Variants in PABPC4L observed in about 807,000 individuals in gnomAD.
PABPC4L encodes polyadenylate-binding protein 4-like.
For missense variants in PABPC4L, 452 were observed against 451.4 expected (o/e 1.00, Z -0.01); for synonymous variants, 169 against 164.1 (o/e 1.03, Z -0.23).
the PABPC4L span, among the ~76,000 whole-genome samples, chr4:134,114,523 A>G: frequency 6.6e-6 from 1 of 151,828 alleles, no homozygotes; most frequent in East Asian, 1.9e-4. Flanking sequence ...GTAATACTCA[A>G]CCAATGAGGA....
the PABPC4L span, among the ~76,000 whole-genome samples, chr4:134,127,715 C>T: frequency 2.6e-5 from 4 of 152,006 alleles, no homozygotes; most frequent in Admixed American, 6.6e-5. Context: ...ACCAGAAAAA[C>T]GATTCTGGTA....
the PABPC4L span, among the ~76,000 whole-genome samples, chr4:134,016,274 C>G: frequency 6.6e-6 from 1 of 152,138 alleles, no homozygotes. Context: ...AAGGACTAAA[C>G]GTCAATATTT....
At chr4:133,957,076 TTACAACAGCCCCCAA>T in the PABPC4L span, among the ~76,000 whole-genome samples, 1 of 152,102 alleles carries the variant, frequency 6.6e-6, no homozygotes, top group East Asian at 1.9e-4. Flanking sequence ...AGTCATGCCT[TTACAACAGCCCCCAA>T]ATGCTTATCT....
At chr4:134,131,679 C>T in the PABPC4L span, among the ~76,000 whole-genome samples, 7 of 101,476 alleles carry the variant, frequency 6.9e-5, no homozygotes, top group African/African-American at 2.6e-4. Flanking sequence ...TTCTTCACAG[C>T]GCTAGAAAAA....
At chr4:134,095,039 CT>C in the PABPC4L span, among the ~76,000 whole-genome samples, 4 of 151,680 alleles carry the variant, frequency 2.6e-5, no homozygotes, top group Admixed American at 2.6e-4. Flanking sequence ...AATTCAGTCT[CT>C]TATAGTTTAT....
At chr4:134,011,425 G>A in the PABPC4L span, among the ~76,000 whole-genome samples, 10 of 152,038 alleles carry the variant, frequency 6.6e-5, no homozygotes, top group Non-Finnish European at 1.3e-4. Flanking sequence ...GAAACATTTT[G>A]TAAATATCAA....
chr4:134,028,935 G>A, the PABPC4L span, among the ~76,000 whole-genome samples: 2 of 152,098 alleles, frequency 1.3e-5, no homozygotes. Context: ...AGTGAAGCCT[G>A]TTGAAACATA....
chr4:134,041,135 A>G, the PABPC4L span, among the ~76,000 whole-genome samples: 2 of 152,158 alleles, frequency 1.3e-5, no homozygotes, highest in Non-Finnish European at 2.9e-5. Flanking sequence ...GGCAGTGTAA[A>G]TTAGGTCAAT....
At chr4:133,957,010 C>G in the PABPC4L span, among the ~76,000 whole-genome samples, 1 of 152,048 alleles carries the variant, frequency 6.6e-6, no homozygotes, top group Non-Finnish European at 1.5e-5. Context: ...ACAATCAAAC[C>G]ATATCATTCC....
the PABPC4L span, among the ~76,000 whole-genome samples, chr4:134,069,895 T>C: frequency 2.0e-5 from 3 of 151,974 alleles, no homozygotes; most frequent in African/African-American, 4.8e-5. Flanking sequence ...TAAGACATTC[T>C]GGTTTTTGAG....
the PABPC4L span, among the ~76,000 whole-genome samples, chr4:133,963,811 G>C: frequency 6.6e-6 from 1 of 151,896 alleles, no homozygotes. Context: ...AAAACCTCTG[G>C]GTTACAGCAA....
chr4:134,182,195 T>C, the PABPC4L span, among the ~76,000 whole-genome samples: 1 of 151,984 alleles, frequency 6.6e-6, no homozygotes, highest in Admixed American at 6.6e-5. Context: ...AGCATCACAT[T>C]GCCCAACTTC....
chr4:134,085,346 A>T, the PABPC4L span, among the ~76,000 whole-genome samples: 1 of 152,186 alleles, frequency 6.6e-6, no homozygotes, highest in Non-Finnish European at 1.5e-5. Context: ...GTACATGTAC[A>T]TAAAATACAC....
the PABPC4L span, among the ~76,000 whole-genome samples, chr4:134,142,836 A>C: frequency 2.0e-5 from 3 of 151,630 alleles, no homozygotes; most frequent in Admixed American, 2.0e-4. Context: ...TAATGAAAAG[A>C]CACTTATATA....
At chr4:134,195,757 A>G (rs1169613093), downstream of PABPC4L, among the ~76,000 whole-genome samples, 1 of 151,642 alleles carries the variant, frequency 6.6e-6, no homozygotes, top group East Asian at 1.9e-4. Context: ...AAATATGACA[A>G]GACCATGAGA....
the PABPC4L span, among the ~76,000 whole-genome samples, chr4:134,092,787 C>T: frequency 6.6e-6 from 1 of 152,058 alleles, no homozygotes; most frequent in African/African-American, 2.4e-5. Context: ...GCCATCCCTC[C>T]CACCATCGCA....
the PABPC4L span, among the ~76,000 whole-genome samples, chr4:134,120,964 A>C: frequency 6.6e-6 from 1 of 151,098 alleles, no homozygotes; most frequent in African/African-American, 2.4e-5. Context: ...TCACATTTCT[A>C]AATGTGTCTC....
the PABPC4L span, among the ~76,000 whole-genome samples, chr4:134,081,351 C>T: frequency 6.6e-6 from 1 of 152,010 alleles, no homozygotes; most frequent in Non-Finnish European, 1.5e-5. Flanking sequence ...AGTTGAGGTT[C>T]CAAAGAAAGA....
chr4:134,006,434 CTCT>C, the PABPC4L span, among the ~76,000 whole-genome samples: 1 of 151,870 alleles, frequency 6.6e-6, no homozygotes, highest in Non-Finnish European at 1.5e-5. Flanking sequence ...CCTTCTCCTC[CTCT>C]TAAGAAGCAT....
Sources: gnomAD v4.1 joint callset for allele counts (sites outside exome capture counted in the v4.1 genomes callset) on GRCh38, gnomAD v4.1.1 for gene constraint, MANE v1.5 for transcripts, NCBI Gene and HGNC (gene_info 2026-07-23, HGNC 2026-07-21) for gene names.